DLG2: variants seen among roughly 807,000 people sequenced by gnomAD.
The protein encoded by DLG2 is discs large MAGUK scaffold protein 2.
A neutral mutation model predicts 132.5 loss-of-function variants in DLG2; 45 were observed. That is an observed-to-expected ratio of 0.34 (90% confidence interval 0.27 to 0.44). The LOEUF (loss-of-function observed/expected upper bound fraction) is 0.44, where lower values mean the gene tolerates loss of function less well. Among genes scored for constraint, DLG2 ranks in the 20% least tolerant of loss-of-function variants. The pLI is 1.00. For missense variants in DLG2, 1,045 were observed against 1,196.9 expected, an observed-to-expected ratio of 0.87 and a Z score of 1.87; for synonymous variants, 424 against 419.6, an observed-to-expected ratio of 1.01 and a Z score of -0.13.
intron 8 of DLG2, among the ~76,000 whole-genome samples, chr11:84,189,375 G>A (rs577209324): frequency 1.3e-5 from 2 of 152,302 alleles, no homozygotes; most frequent in South Asian, 4.1e-4. Flanking sequence ...TACACTATTG[G>A]TGGGAGTGTA....
intron 18 of DLG2, among the ~76,000 whole-genome samples, chr11:83,775,455 C>A (rs2094544072): frequency 6.6e-6 from 1 of 152,168 alleles, no homozygotes; most frequent in Non-Finnish European, 1.5e-5. Flanking sequence ...GTTTCCTCAT[C>A]TGTAAAATGA....
At chr11:84,911,911 T>A (rs959275008) in intron 6 of DLG2, among the ~76,000 whole-genome samples, 18 of 152,156 alleles carry the variant, frequency 1.2e-4, no homozygotes, top group Non-Finnish European at 2.4e-4. Context: ...GGCTGGGAGA[T>A]ATATAACTGC....
intron 6 of DLG2, among the ~76,000 whole-genome samples, chr11:84,871,785 C>T (rs937318195): frequency 2.6e-5 from 4 of 152,086 alleles, no homozygotes; most frequent in Middle Eastern, 6.8e-3. Context: ...TGCAGTACCA[C>T]GATCCTGGCT....
intron 9 of DLG2, among the ~76,000 whole-genome samples, chr11:84,136,795 C>T (rs2094618053): frequency 6.6e-6 from 1 of 152,130 alleles, no homozygotes; most frequent in African/African-American, 2.4e-5. Flanking sequence ...ACATAGTGTA[C>T]TCTCATTCAT....
At chr11:85,460,640 C>CACT (rs2092577192) in intron 3 of DLG2, among the ~76,000 whole-genome samples, 1 of 152,170 alleles carries the variant, frequency 6.6e-6, no homozygotes. Flanking sequence ...GAGAGGTGCA[C>CACT]ACTAGCTACT....
intron 6 of DLG2, among the ~76,000 whole-genome samples, chr11:84,631,088 A>T (rs1443623339): frequency 4.0e-5 from 3 of 75,140 alleles, no homozygotes; most frequent in African/African-American, 1.6e-4. Flanking sequence ...ACTGTGAGCC[A>T]TCCCCACAGA....
chr11:84,458,768 G>C (rs560049158), intron 7 of DLG2, among the ~76,000 whole-genome samples: 1 of 150,742 alleles, frequency 6.6e-6, no homozygotes, highest in African/African-American at 2.4e-5. Context: ...GATCAGTTAA[G>C]TATGAAGTTT....
intron 6 of DLG2, among the ~76,000 whole-genome samples, chr11:84,859,531 T>C (rs982327593): frequency 6.7e-6 from 1 of 149,792 alleles, no homozygotes; most frequent in African/African-American, 2.4e-5. Context: ...AGTCAAAATA[T>C]GTTATAACCA....
chr11:84,654,647 TTCTC>T (rs1249435873), intron 6 of DLG2, among the ~76,000 whole-genome samples: 1 of 152,228 alleles, frequency 6.6e-6, no homozygotes, highest in Non-Finnish European at 1.5e-5. Flanking sequence ...ATTTATTCAC[TTCTC>T]TCTCTAGCTG....
At chr11:83,794,436 GGTTTTT>G (rs2042281210) in intron 17 of DLG2, among the ~76,000 whole-genome samples, 1 of 90,004 alleles carries the variant, frequency 1.1e-5, no homozygotes, top group African/African-American at 5.0e-5. Context: ...ATTTACTATT[GGTTTTT>G]TTTTTTTTTT....
chr11:83,666,636 T>A (rs955365858), intron 18 of DLG2, among the ~76,000 whole-genome samples: 2 of 152,202 alleles, frequency 1.3e-5, no homozygotes, highest in African/African-American at 4.8e-5. Context: ...ACTCATTTTA[T>A]CCAGTAAGAT....
At chr11:85,490,920 C>T (rs533564614) in intron 3 of DLG2, among the ~76,000 whole-genome samples, 3 of 152,224 alleles carry the variant, frequency 2.0e-5, no homozygotes, top group East Asian at 3.9e-4. Flanking sequence ...CGAATTCAAT[C>T]TATGAGGCCG....
intron 5 of DLG2, among the ~76,000 whole-genome samples, chr11:85,143,784 G>C (rs1316632008): frequency 6.6e-6 from 1 of 151,772 alleles, no homozygotes; most frequent in Non-Finnish European, 1.5e-5. Context: ...ATAGTGGTCA[G>C]AAAAGATATT....
intron 6 of DLG2, among the ~76,000 whole-genome samples, chr11:85,107,064 A>AT (rs2071872610): frequency 6.6e-6 from 1 of 152,058 alleles, no homozygotes; most frequent in African/African-American, 2.4e-5. Context: ...GAGAGTTGAC[A>AT]TATTCAGAAT....
chr11:85,074,690 T>G (rs2066297845), intron 6 of DLG2, among the ~76,000 whole-genome samples: 1 of 151,818 alleles, frequency 6.6e-6, no homozygotes, highest in African/African-American at 2.4e-5. Context: ...GCAATGCTGC[T>G]CTGGGAAATG....
At chr11:85,583,059 T>A (rs10558066) in intron 3 of DLG2, among the ~76,000 whole-genome samples, 32,979 of 80,844 alleles carry the variant, frequency 0.41, 5,857 homozygotes, top group Non-Finnish European at 0.46. Context: ...AAAAAAAAAA[T>A]ATATATATAT....
At chr11:85,456,797 G>C (rs1269652739) in intron 3 of DLG2, among the ~76,000 whole-genome samples, 1 of 152,044 alleles carries the variant, frequency 6.6e-6, no homozygotes, top group Non-Finnish European at 1.5e-5. Context: ...TCTTGGTATT[G>C]GTTTCTATTT....
intron 7 of DLG2, among the ~76,000 whole-genome samples, chr11:84,448,329 C>T (rs1481878362): frequency 6.6e-6 from 1 of 152,002 alleles, no homozygotes; most frequent in Non-Finnish European, 1.5e-5. Context: ...GGGTATTGAA[C>T]TACATAATCA....
intron 18 of DLG2, among the ~76,000 whole-genome samples, chr11:83,734,086 G>T (rs771259102): frequency 5.3e-5 from 8 of 152,066 alleles, no homozygotes; most frequent in Non-Finnish European, 1.0e-4. Flanking sequence ...TGTTGTAAAA[G>T]ACATGATTTC....
Sources: gnomAD v4.1 joint callset for allele counts (sites outside exome capture counted in the v4.1 genomes callset) on GRCh38, gnomAD v4.1.1 for gene constraint, MANE v1.5 for transcripts, NCBI Gene and HGNC (gene_info 2026-07-23, HGNC 2026-07-21) for gene names.